The following VWA8 variants were observed in gnomAD, a reference collection of about 807,000 sequenced individuals.
VWA8 encodes von Willebrand factor A domain-containing protein 8.
VWA8 carries 221 observed loss-of-function variants against 241.5 expected under a neutral mutation model. That is an observed-to-expected ratio of 0.91 (90% CI 0.82 to 1.02). The LOEUF (loss-of-function observed/expected upper bound fraction) is 1.02. VWA8 is among the 50% of genes least tolerant of loss of function. The pLI is 0.00. For synonymous variants in VWA8, 852 were observed against 827.1 expected, an observed-to-expected ratio of 1.03 and a Z score of -0.52; for missense variants, 2,322 against 2,328.7, an observed-to-expected ratio of 1.00 and a Z score of 0.06.
intron 20 of VWA8, among the ~76,000 whole-genome samples, chr13:41,777,039 C>T (rs1032087543): frequency 2.0e-5 from 3 of 152,310 alleles, no homozygotes; most frequent in African/African-American, 4.8e-5. Flanking sequence ...GTGCTGTTCA[C>T]TGTGAGCCTG....
chr13:41,878,096 C>T (rs117427302), intron 9 of VWA8, among the ~76,000 whole-genome samples: 3,340 of 152,062 alleles, frequency 0.022, 54 homozygotes, highest in Non-Finnish European at 0.032. Flanking sequence ...TGCAACTATA[C>T]ATTAATTTCT....
In VWA8 at chr13:41,783,877, C is replaced by T; in HGVS notation, c.2195G>A (p.Arg732Lys). The part of the protein sequence containing the change: ...YKCEVTSGTL[R>K]IGAVSAPIYN... ...GATCGGTGCACTAACAGCACCAATC[C>T]TCAGAGTTCCAGATGTTACTTCACC... Residue 732 changes from arginine (R) to lysine (K), a missense_variant, in exon 19 of 45, where the codon AGG becomes AAG. Physicochemically the swap from Arg to Lys is conservative, Grantham distance 26. Transcript: ENST00000379310. 1 of 1,613,546 alleles carries T rather than the reference C, an allele frequency of 6.2e-7. No individual in the cohort carries two copies. Among genetic ancestry groups the T allele is most frequent in the Non-Finnish European group, 8.5e-7 (1 of 1,179,756 alleles).
intron 20 of VWA8, among the ~76,000 whole-genome samples, chr13:41,769,563 G>C (rs2045804075): frequency 6.6e-6 from 1 of 152,100 alleles, no homozygotes. Flanking sequence ...ATAGTCTCTG[G>C]CCTATTATAA....
At chr13:41,758,584 T>C (rs1253684312) in intron 21 of VWA8, among the ~76,000 whole-genome samples, 1 of 149,574 alleles carries the variant, frequency 6.7e-6, no homozygotes, top group Non-Finnish European at 1.5e-5. Context: ...GTTTAACTTA[T>C]TAGTTCTAAT....
rs1367815833 is a variant in VWA8, at chr13:41,891,451, A to G, written c.620T>C (p.Met207Thr). 6.2e-7 allele frequency: 1 copy of G among 1,614,228 alleles called. No individual in the cohort carries two copies. Among genetic ancestry groups the G allele is most frequent in the Admixed American group, 1.7e-5 (1 of 60,034 alleles). ...AAGTTTGTCGTAACGCTCAGCAGAC[A>G]TCAGGAAGCGTCCATCTTCAAGCTG... ...EMQLEDGRFLMSAERYDKLLR... is the reference protein window; with the variant it reads ...EMQLEDGRFLTSAERYDKLLR... The change falls in exon 5 of 45, where the codon ATG (methionine) becomes ACG (threonine). Residue 207 changes from methionine (M) to threonine (T), a missense_variant. Coordinates refer to ENST00000379310, the MANE Select transcript of VWA8 (RefSeq NM_015058.2).
At chr13:41,739,827 GTTTTTTTTTTT>G (rs2045553251) in intron 21 of VWA8, among the ~76,000 whole-genome samples, 18 of 88,974 alleles carry the variant, frequency 2.0e-4, no homozygotes, top group Admixed American at 1.5e-3. Context: ...TTGTTTTTTT[GTTTTTTTTTTT>G]GTTTTTTTTG....
At chr13:41,891,236 T>C (rs1488541502) in intron 5 of VWA8, among the ~76,000 whole-genome samples, 184 bp downstream of exon 5, 2 of 150,272 alleles carry the variant, frequency 1.3e-5, no homozygotes, top group Non-Finnish European at 3.0e-5. Flanking sequence ...CTGGGAGGTG[T>C]TTTGACAAAG....
At chr13:41,828,571 A>T (rs765767235) in intron 14 of VWA8, among the ~76,000 whole-genome samples, 1 of 152,196 alleles carries the variant, frequency 6.6e-6, no homozygotes, top group Non-Finnish European at 1.5e-5. Flanking sequence ...TCCATATATC[A>T]TTCACCTAGA....
chr13:41,582,783 C>T (rs539841969), intron 42 of VWA8, among the ~76,000 whole-genome samples: 1 of 152,250 alleles, frequency 6.6e-6, no homozygotes, highest in African/African-American at 2.4e-5. Context: ...AATGTATGTG[C>T]ATCAAATATC....
chr13:41,874,059 T>C (rs79421945), intron 9 of VWA8, among the ~76,000 whole-genome samples: 2,300 of 152,002 alleles, frequency 0.015, 17 homozygotes, highest in South Asian at 0.043. Context: ...TAATCCAGCA[T>C]ATAAACAGAG....
At chr13:41,615,625 GC>G (rs2044616211) in intron 37 of VWA8, among the ~76,000 whole-genome samples, 1 of 152,080 alleles carries the variant, frequency 6.6e-6, no homozygotes, top group South Asian at 2.1e-4. Flanking sequence ...ACTAAAAACT[GC>G]TTATTTATTT....
intron 38 of VWA8, among the ~76,000 whole-genome samples, chr13:41,613,060 A>G (rs565586903): frequency 1.3e-5 from 2 of 152,316 alleles, no homozygotes; most frequent in South Asian, 4.1e-4. Flanking sequence ...TATAAAGTGG[A>G]AAATTTGAAG....
At chr13:41,775,323 G>C (rs1868541794) in intron 20 of VWA8, among the ~76,000 whole-genome samples, 1 of 152,118 alleles carries the variant, frequency 6.6e-6, no homozygotes, top group Non-Finnish European at 1.5e-5. Context: ...ATATGAAAAG[G>C]GTCAGCTAAA....
chr13:41,610,212 G>A (rs564370697), intron 39 of VWA8, among the ~76,000 whole-genome samples: 1 of 152,230 alleles, frequency 6.6e-6, no homozygotes, highest in Non-Finnish European at 1.5e-5. Context: ...TTCTAAATGG[G>A]TACTTTATAA....
intron 21 of VWA8, among the ~76,000 whole-genome samples, chr13:41,752,691 G>A (rs990117332): frequency 2.0e-5 from 3 of 152,106 alleles, no homozygotes; most frequent in East Asian, 1.9e-4. Context: ...TAGGGTATAC[G>A]GCAAGAAGCT....
chr13:41,693,855 G>A (rs1339252829), intron 29 of VWA8, among the ~76,000 whole-genome samples: 1 of 151,922 alleles, frequency 6.6e-6, no homozygotes, highest in Non-Finnish European at 1.5e-5. Context: ...TTTGCAGAAA[G>A]GTACCTGCAA....
chr13:41,715,932 T>C (rs372359059), intron 26 of VWA8, among the ~76,000 whole-genome samples: 25 of 152,128 alleles, frequency 1.6e-4, no homozygotes, highest in African/African-American at 5.5e-4. Flanking sequence ...TGTTTCTCTA[T>C]AGGACAAATG....
intron 37 of VWA8, among the ~76,000 whole-genome samples, chr13:41,653,798 C>T (rs946102344): frequency 2.0e-5 from 3 of 152,130 alleles, no homozygotes; most frequent in Admixed American, 2.0e-4. Flanking sequence ...TCAACAAAAA[C>T]AAGCAATGGG....
chr13:41,935,325 T>C (rs1877298645), intron 2 of VWA8, among the ~76,000 whole-genome samples: 1 of 152,096 alleles, frequency 6.6e-6, no homozygotes. Flanking sequence ...TTTATGACAA[T>C]GACAACCACA....
Sources: allele counts gnomAD v4.1 joint callset (sites outside exome capture counted in the v4.1 genomes callset), GRCh38; gene constraint gnomAD v4.1.1; transcripts MANE v1.5; gene names NCBI Gene and HGNC (gene_info 2026-07-23, HGNC 2026-07-21).